The following CDH12 variants were observed in gnomAD, a reference collection of about 807,000 sequenced individuals.
CDH12 encodes cadherin 12.
In CDH12, 41 loss-of-function variants were observed where a neutral mutation model predicts 74.1. That is an observed-to-expected ratio of 0.55 (90% CI 0.43 to 0.72). CDH12 has a LOEUF of 0.72. Ranked by LOEUF, CDH12 falls within the 30% of genes least tolerant of loss-of-function variation. The probability of loss-of-function intolerance (pLI) is 0.00; values close to 1 mark genes in which losing one functional copy is unlikely to be tolerated. For synonymous variants in CDH12, 399 were observed against 355.0 expected, an observed-to-expected ratio of 1.12 and a Z score of -1.39; for missense variants, 945 against 977.2, an observed-to-expected ratio of 0.97 and a Z score of 0.44.
Position 22,226,080 on chromosome 5 carries a change from C to CT in CDH12, c.-332-13438dup, listed in dbSNP as rs199559472. Among the ~76,000 whole-genome samples, 1,160 of 151,752 alleles carry CT rather than the reference C, an allele frequency of 7.6e-3. 17 individuals carry two copies. In the South Asian group the frequency reaches 0.077, roughly 10 times the overall value. ...CTACTTTCCCACAGTCTTCCCTTTT[C>CT]TTTTTTTTAACATTTATGTAGAAGT... On this transcript the variant is annotated intron_variant, in intron 3 of 14. Coordinates refer to ENST00000382254, the MANE Select transcript of CDH12 (RefSeq NM_004061.5).
rs557785360 is a variant in CDH12, at chr5:22,307,982, G to A, written c.-332-95339C>T. The stretch of plus-strand genomic sequence containing the variant: ...TGCAGGCTCTGCCTCCTGGGTTCAC[G>A]CCATTCTCCTGCCTCAGCCTCCCAA... On this transcript the variant is annotated intron_variant, in intron 3 of 14. Transcript: ENST00000382254. 9.1e-5 allele frequency among the ~76,000 whole-genome samples: 12 copies of A among 131,996 alleles called. 1 individual carries two copies. The highest frequency in any genetic ancestry group is 8.0e-4 in the East Asian group (3 of 3,762). The allele number at this position is 131,996 out of a possible 152,430, so 86.6% of individuals were successfully genotyped here.
At chr5:21,764,361 G>T (rs1435178014) in intron 12 of CDH12, among the ~76,000 whole-genome samples, 2 of 143,072 alleles carry the variant, frequency 1.4e-5, no homozygotes, top group South Asian at 2.3e-4. Context: ...GTGACAGAGC[G>T]AGACTCTGTC....
At chr5:21,994,438 A>G (rs182272619) in intron 5 of CDH12, among the ~76,000 whole-genome samples, 1 of 152,324 alleles carries the variant, frequency 6.6e-6, no homozygotes, top group African/African-American at 2.4e-5. Context: ...AACAACAACA[A>G]AAAAGAAAAA....
intron 6 of CDH12, among the ~76,000 whole-genome samples, chr5:21,937,585 T>G (rs1346470732): frequency 6.6e-6 from 1 of 152,166 alleles, no homozygotes. Flanking sequence ...ATTTCTTAGT[T>G]TCTTAATCAT....
At chr5:21,802,811 C>T (rs192099061) in intron 9 of CDH12, among the ~76,000 whole-genome samples, 1 of 151,934 alleles carries the variant, frequency 6.6e-6, no homozygotes, top group Non-Finnish European at 1.5e-5. Flanking sequence ...AGGCTGGTCT[C>T]GGATTCCTGA....
chr5:21,942,287 C>T lies in CDH12; in HGVS notation c.526+32804G>A, dbSNP rs190316196. On this transcript the variant is annotated intron_variant, in intron 6 of 14. Coordinates refer to ENST00000382254, the MANE Select transcript of CDH12 (RefSeq NM_004061.5). ...GATAGTAGATTTGTGGTGTTTTAAT[C>T]CACTAAGTTGGTAGTAATGTGCTCC... Among the ~76,000 whole-genome samples the T allele has an allele frequency of 3.3e-3, 489 of 148,432 alleles. 2 individuals are homozygous for T. The highest frequency in any genetic ancestry group is 0.012 in the African/African-American group (458 of 39,774).
chr5:22,034,812 TG>T (rs1739061895), intron 5 of CDH12, among the ~76,000 whole-genome samples: 1 of 152,168 alleles, frequency 6.6e-6, no homozygotes. Flanking sequence ...TAAAACTATA[TG>T]GGAGTCTAGA....
intron 10 of CDH12, among the ~76,000 whole-genome samples, chr5:21,792,313 T>A (rs1746544418): frequency 6.6e-6 from 1 of 151,916 alleles, no homozygotes; most frequent in Non-Finnish European, 1.5e-5. Context: ...TTTTTTCTTA[T>A]CTTCCTCCTC....
At chr5:22,852,395 C>G (rs1283172737) in intron 1 of CDH12, among the ~76,000 whole-genome samples, 1 of 152,158 alleles carries the variant, frequency 6.6e-6, no homozygotes, top group East Asian at 1.9e-4. Flanking sequence ...CATATTTCCT[C>G]CTTGTTAAAT....
intron 4 of CDH12, among the ~76,000 whole-genome samples, chr5:22,154,425 CAT>C (rs1561169585): frequency 5.0e-5 from 7 of 140,708 alleles, no homozygotes; most frequent in Non-Finnish European, 7.8e-5. Context: ...CACACATATA[CAT>C]ATATAGTGAA....
chr5:22,599,516 T>A (rs1402391956), intron 1 of CDH12, among the ~76,000 whole-genome samples: 4 of 152,132 alleles, frequency 2.6e-5, no homozygotes, highest in African/African-American at 9.7e-5. Context: ...TTGCCTACAG[T>A]TCTTATCATT....
rs569715521 is a variant in CDH12 at position 21,980,917 on chromosome 5, T to G, written c.232-5532A>C. On this transcript the variant is annotated intron_variant, in intron 5 of 14. Coordinates refer to ENST00000382254, the MANE Select transcript of CDH12 (RefSeq NM_004061.5). ...CATCAGTTTAAACTGATCAAAAACA[T>G]TTTAATCAAAGTAATACAATTAAAT... is the stretch of plus-strand genomic sequence containing the variant. Among the ~76,000 whole-genome samples, 3 of 152,232 alleles carry G rather than the reference T, an allele frequency of 2.0e-5. No individual in the cohort carries two copies. The South Asian group carries it at 6.2e-4, about 32-fold the overall frequency.
intron 4 of CDH12, among the ~76,000 whole-genome samples, chr5:22,126,303 GCCCTT>G (rs1259014258): frequency 6.6e-6 from 1 of 152,036 alleles, no homozygotes; most frequent in Non-Finnish European, 1.5e-5. Context: ...CAGCTAAGTG[GCCCTT>G]CTGTCCTGTA....
chr5:22,532,370 TA>T (rs1162952442), intron 1 of CDH12, among the ~76,000 whole-genome samples: 1 of 72,924 alleles, frequency 1.4e-5, no homozygotes, highest in Non-Finnish European at 2.7e-5. Flanking sequence ...TATATATATA[TA>T]TATATATGTA....
At chr5:22,050,410 C>T (rs780821858) in intron 5 of CDH12, among the ~76,000 whole-genome samples, 3 of 152,058 alleles carry the variant, frequency 2.0e-5, no homozygotes, top group African/African-American at 7.2e-5. Flanking sequence ...AGCTTCTTAT[C>T]GTATTTCCAA....
At chr5:22,788,159 C>A (rs1162430640) in intron 1 of CDH12, among the ~76,000 whole-genome samples, 1 of 152,062 alleles carries the variant, frequency 6.6e-6, no homozygotes, top group Admixed American at 6.6e-5. Context: ...ATTTTATTTT[C>A]TTTTCATAAA....
At chr5:22,363,086 AC>A (rs1296154312) in intron 3 of CDH12, among the ~76,000 whole-genome samples, 6 of 152,124 alleles carry the variant, frequency 3.9e-5, no homozygotes, top group East Asian at 1.9e-4. Context: ...TAATAAAAAA[AC>A]AAATTTATTA....
Position 21,778,466 on chromosome 5 carries a change from C to CAA in CDH12, c.1393+4890_1393+4891dup, listed in dbSNP as rs70957061. On this transcript the variant is annotated intron_variant, in intron 11 of 14. Transcript: ENST00000382254. The stretch of plus-strand genomic sequence containing the variant: ...AGAGCTGACAATTTGGCATATAAGC[C>CAA]AAAAAAAAAAAAAAAAAAAAAAAAA... Among the ~76,000 whole-genome samples, 344 of 52,566 alleles carry CAA rather than the reference C, an allele frequency of 6.5e-3. 2 individuals are homozygous for CAA. The highest frequency in any genetic ancestry group is 0.015 in the East Asian group (22 of 1,516). 34.5% of individuals were successfully genotyped at this position (52,566 alleles called of 152,430 possible).
At chr5:22,233,299 A>C (rs1481762073) in intron 3 of CDH12, among the ~76,000 whole-genome samples, 1 of 144,616 alleles carries the variant, frequency 6.9e-6, no homozygotes, top group Non-Finnish European at 1.5e-5. Flanking sequence ...ATAGACAAGC[A>C]AAAAAAATAT....
Sources: allele counts gnomAD v4.1 joint callset (sites outside exome capture counted in the v4.1 genomes callset), GRCh38; gene constraint gnomAD v4.1.1; transcripts MANE v1.5; gene names NCBI Gene and HGNC (gene_info 2026-07-23, HGNC 2026-07-21).